The following PRDM16 variants were observed in gnomAD, a reference collection of about 807,000 sequenced individuals.
PRDM16 encodes the protein histone-lysine N-methyltransferase PRDM16.
In PRDM16, 23 loss-of-function variants were observed where a neutral mutation model predicts 110.6. The observed-to-expected ratio is 0.21, with a 90% CI of 0.15 to 0.29. The LOEUF (loss-of-function observed/expected upper bound fraction) is 0.29, where lower values mean the gene tolerates loss of function less well. Ranked by LOEUF, PRDM16 falls within the 10% of genes least tolerant of loss-of-function variation. The pLI is 1.00. For synonymous variants in PRDM16, 799 were observed against 781.8 expected (o/e 1.02, Z -0.37); for missense variants, 1,615 against 1,794.3 (o/e 0.90, Z 1.81).
chr1:3,321,763 GTGTA>G lies in PRDM16; in HGVS notation c.439-63385_439-63382del, dbSNP rs1641756202. Among the ~76,000 whole-genome samples the G allele has an allele frequency of 2.0e-5, 3 of 151,180 alleles. No individual in the cohort carries two copies. In the South Asian group the frequency reaches 6.3e-4, roughly 32 times the overall value. On this transcript the variant is annotated intron_variant, in intron 3 of 16. Coordinates refer to ENST00000270722, the MANE Select transcript of PRDM16 (RefSeq NM_022114.4). ...TGTGCGGTGTGCACAATGTGTGTTTGTGTATGTGTGCACGTGTGTGCTGTGCAAG... is the reference window on the plus strand; with the variant it reads ...TGTGCGGTGTGCACAATGTGTGTTTGTGTGTGCACGTGTGTGCTGTGCAAG...
chr1:3,113,127 C>T (rs1445767389), intron 1 of PRDM16, among the ~76,000 whole-genome samples: 1 of 152,202 alleles, frequency 6.6e-6, no homozygotes, highest in Non-Finnish European at 1.5e-5. Context: ...CTGTGTGGCT[C>T]CAGCAGATCT....
chr1:3,071,691 G>A (rs1303561071), intron 1 of PRDM16, among the ~76,000 whole-genome samples: 1 of 152,206 alleles, frequency 6.6e-6, no homozygotes, highest in African/African-American at 2.4e-5. Flanking sequence ...CAGCACTCCA[G>A]CCAGCAGGTC....
chr1:3,383,030 C>G (rs1183732338), intron 3 of PRDM16, among the ~76,000 whole-genome samples: 1 of 152,246 alleles, frequency 6.6e-6, no homozygotes, highest in Non-Finnish European at 1.5e-5. Context: ...GGACCCACGT[C>G]CCCTGTGGAC....
In PRDM16 at chr1:3,297,330, C is replaced by A. The variant is rs186182472; in HGVS notation, c.438+53193C>A. On this transcript the variant is annotated intron_variant, in intron 3 of 16. Coordinates refer to ENST00000270722, the MANE Select transcript of PRDM16 (RefSeq NM_022114.4). ...ACAGAATCTCGCTCTGTCACCCAGG[C>A]TGGAGTGCAATGGCGCGATCTTGGC... 5.6e-5 allele frequency among the ~76,000 whole-genome samples: 8 copies of A among 142,888 alleles called. No homozygotes were observed. The East Asian group carries it at 1.6e-3, about 29-fold the overall frequency. The allele number at this position is 142,888 out of a possible 152,430, so 93.7% of individuals were successfully genotyped here. A position where few individuals can be genotyped will look rare whatever the true frequency, so the allele number is the denominator to read the frequency against.
chr1:3,252,350 G>A (rs111803658), intron 3 of PRDM16, among the ~76,000 whole-genome samples: 5 of 151,170 alleles, frequency 3.3e-5, no homozygotes, highest in African/African-American at 1.2e-4. Flanking sequence ...TGTCCAGGCC[G>A]GGCCCCAGGT....
chr1:3,238,427 G>A (rs1247955562), intron 2 of PRDM16, among the ~76,000 whole-genome samples: 2 of 152,206 alleles, frequency 1.3e-5, no homozygotes, highest in Non-Finnish European at 2.9e-5. Flanking sequence ...AGAAGTAACT[G>A]TTTAGGCATA....
intron 1 of PRDM16, among the ~76,000 whole-genome samples, chr1:3,128,521 C>T (rs1028579178): frequency 6.6e-5 from 10 of 152,192 alleles, no homozygotes; most frequent in Non-Finnish European, 1.3e-4. Flanking sequence ...TCCACAGTGG[C>T]TCCATTTTCT....
At chr1:3,373,838 C>G (rs1276284102) in intron 3 of PRDM16, among the ~76,000 whole-genome samples, 4 of 152,232 alleles carry the variant, frequency 2.6e-5, no homozygotes, top group Non-Finnish European at 5.9e-5. Context: ...GACACATGGC[C>G]GAGCCTGGGA....
At chr1:3,385,068 C>A in intron 3 of PRDM16, 84 bp from the exon 4 acceptor site, 2 of 1,546,108 alleles carry the variant, frequency 1.3e-6, no homozygotes, top group Non-Finnish European at 1.8e-6. Flanking sequence ...GCCCAAACAG[C>A]CAGGTTTCTG....
At chr1:3,361,582 A>T (rs1024238953) in intron 3 of PRDM16, among the ~76,000 whole-genome samples, 1 of 152,236 alleles carries the variant, frequency 6.6e-6, no homozygotes, top group African/African-American at 2.4e-5. Flanking sequence ...CCTGGGGCAT[A>T]ACACCGGCCC....
intron 1 of PRDM16, among the ~76,000 whole-genome samples, chr1:3,074,428 T>TGCGC (rs952506121): frequency 6.6e-6 from 1 of 151,574 alleles, no homozygotes; most frequent in Non-Finnish European, 1.5e-5. Context: ...TGTGTGTGTG[T>TGCGC]GCGCGTGTGT....
chr1:3,186,163 C>A lies in PRDM16; in HGVS notation c.76C>A (p.Arg26=), dbSNP rs769704263. The A allele has an allele frequency of 6.2e-7, 1 of 1,612,810 alleles. No individual in the cohort carries two copies. The highest frequency in any genetic ancestry group is 8.5e-7 in the Non-Finnish European group (1 of 1,179,956). Residue 26 remains arginine (R), a synonymous_variant, in exon 2 of 17, where the codon CGG becomes AGG. Transcript: ENST00000270722. ...DVVNNMYEPN[R]DLLASHSAED... ...TGTAAATAATATGTATGAGCCCAAC[C>A]GGGACCTGCTGGCCAGCCACAGCGC...
chr1:3,266,022 T>G (rs1207549519), intron 3 of PRDM16, among the ~76,000 whole-genome samples: 1 of 152,128 alleles, frequency 6.6e-6, no homozygotes, highest in Non-Finnish European at 1.5e-5. Context: ...TTCCATTAAG[T>G]CTCCGTCGTC....
intron 1 of PRDM16, among the ~76,000 whole-genome samples, chr1:3,111,106 A>G (rs1642782027): frequency 6.6e-6 from 1 of 152,164 alleles, no homozygotes; most frequent in Admixed American, 6.5e-5. Flanking sequence ...ACGCTGGCTC[A>G]CGTGCAGGGG....
At chr1:3,422,766 A>G (rs949570469) in intron 12 of PRDM16, among the ~76,000 whole-genome samples, 94 of 152,354 alleles carry the variant, frequency 6.2e-4, no homozygotes, top group African/African-American at 2.0e-3. Flanking sequence ...GTGAGTTCAC[A>G]GGCCGAGTCA....
intron 3 of PRDM16, among the ~76,000 whole-genome samples, chr1:3,276,715 G>A (rs960017486): frequency 1.4e-4 from 19 of 139,332 alleles, no homozygotes; most frequent in African/African-American, 5.7e-4. Context: ...AACAGAGCCA[G>A]CGAGGGGTGC....
chr1:3,112,656 G>A (rs1441826947), intron 1 of PRDM16, among the ~76,000 whole-genome samples: 1 of 152,240 alleles, frequency 6.6e-6, no homozygotes, highest in Admixed American at 6.5e-5. Context: ...TGCCCTGGCC[G>A]GGCCGCATTC....
chr1:3,407,277 G>A (rs528222487), intron 8 of PRDM16, among the ~76,000 whole-genome samples: 85 of 152,298 alleles, frequency 5.6e-4, no homozygotes, highest in African/African-American at 1.9e-3. Context: ...GCGTCCAGCC[G>A]TCCTGCTAGG....
intron 3 of PRDM16, among the ~76,000 whole-genome samples, chr1:3,283,931 G>C (rs977063677): frequency 6.6e-6 from 1 of 152,240 alleles, no homozygotes; most frequent in African/African-American, 2.4e-5. Flanking sequence ...TCAGATTCGG[G>C]GGACCGGTGC....
Sources: gnomAD v4.1 joint callset for allele counts (sites outside exome capture counted in the v4.1 genomes callset) on GRCh38, gnomAD v4.1.1 for gene constraint, MANE v1.5 for transcripts, NCBI Gene and HGNC (gene_info 2026-07-23, HGNC 2026-07-21) for gene names.